SEMA5A: variants seen among roughly 807,000 people sequenced by gnomAD.
SEMA5A encodes semaphorin-5A.
SEMA5A carries 55 observed loss-of-function variants against 135.5 expected under a neutral mutation model. The observed-to-expected ratio is 0.41, with a 90% confidence interval of 0.33 to 0.51. The LOEUF (loss-of-function observed/expected upper bound fraction) is 0.51. SEMA5A is among the 20% of genes least tolerant of loss of function. The pLI is 0.37. For synonymous variants in SEMA5A, 580 were observed against 546.5 expected, an observed-to-expected ratio of 1.06 and a Z score of -0.85; for missense variants, 1,290 against 1,419.9, an observed-to-expected ratio of 0.91 and a Z score of 1.47.
chr5:9,084,000 A>T (rs772060891), intron 16 of SEMA5A, among the ~76,000 whole-genome samples: 1 of 152,214 alleles, frequency 6.6e-6, no homozygotes, highest in Non-Finnish European at 1.5e-5. Context: ...TGCCTAAATT[A>T]TCCATGCCCT....
At chr5:9,511,234 A>G (rs1736191621) in intron 1 of SEMA5A, 1 of 152,188 alleles carries the variant, frequency 6.6e-6, no homozygotes, top group Admixed American at 6.5e-5. Context: ...AGCTTGTCAA[A>G]TGCACATCAC....
chr5:9,515,060 A>G (rs1736430321), intron 1 of SEMA5A, among the ~76,000 whole-genome samples: 1 of 152,194 alleles, frequency 6.6e-6, no homozygotes, highest in Admixed American at 6.5e-5. Context: ...ACTAAACTAC[A>G]TCATAGCCTA....
At chr5:9,313,070 T>A (rs964554198) in intron 5 of SEMA5A, among the ~76,000 whole-genome samples, 2 of 152,132 alleles carry the variant, frequency 1.3e-5, no homozygotes, top group Non-Finnish European at 2.9e-5. Flanking sequence ...CACCCTGGAT[T>A]TCAGGGCAAT....
chr5:9,230,012 G>T (rs967250254), intron 6 of SEMA5A, among the ~76,000 whole-genome samples: 4 of 152,034 alleles, frequency 2.6e-5, no homozygotes, highest in East Asian at 1.9e-4. Context: ...TGAGACAAGG[G>T]TTCACTCTGT....
intron 8 of SEMA5A, among the ~76,000 whole-genome samples, chr5:9,213,118 T>C (rs759796328): frequency 6.6e-6 from 1 of 152,172 alleles, no homozygotes; most frequent in Non-Finnish European, 1.5e-5. Context: ...ACGAATCCCA[T>C]TCATGAGGGA....
chr5:9,521,551 T>C (rs1579678981), intron 1 of SEMA5A, among the ~76,000 whole-genome samples: 1 of 152,306 alleles, frequency 6.6e-6, no homozygotes, highest in East Asian at 1.9e-4. Context: ...GTGAAACAAC[T>C]GTACAGGTGA....
chr5:9,252,684 T>C (rs1446576853), intron 5 of SEMA5A, among the ~76,000 whole-genome samples: 5 of 152,216 alleles, frequency 3.3e-5, no homozygotes, highest in Non-Finnish European at 7.3e-5. Flanking sequence ...CCATCCATTA[T>C]TCAAGCACAG....
chr5:9,047,259 G>C (rs1736316053), intron 21 of SEMA5A, among the ~76,000 whole-genome samples: 1 of 152,202 alleles, frequency 6.6e-6, no homozygotes, highest in South Asian at 2.1e-4. Context: ...GAAGATGCAT[G>C]ATAGTCTCCA....
chr5:9,451,897 G>A (rs1181881487), intron 1 of SEMA5A, among the ~76,000 whole-genome samples: 1 of 152,192 alleles, frequency 6.6e-6, no homozygotes. Flanking sequence ...CCAGCATGGA[G>A]GAAACAACAA....
At chr5:9,497,649 A>G (rs1358021679) in intron 1 of SEMA5A, among the ~76,000 whole-genome samples, 1 of 152,228 alleles carries the variant, frequency 6.6e-6, no homozygotes, top group Non-Finnish European at 1.5e-5. Context: ...AAAAAACCCT[A>G]TGTGGAAGTA....
intron 2 of SEMA5A, among the ~76,000 whole-genome samples, chr5:9,426,141 T>C (rs1757637581): frequency 6.6e-6 from 1 of 152,154 alleles, no homozygotes; most frequent in Admixed American, 6.5e-5. Context: ...ATCCACATTA[T>C]TAAATTTGTA....
rs546922099 is a variant in SEMA5A, at chr5:9,040,165, A to T, written c.*2732T>A. ...CCAAGAAAATAGGAAGAAAGGAAGAATTAAAGAAAGAAGAAAGGAAAGAAG... is the reference window on the plus strand; with the variant it reads ...CCAAGAAAATAGGAAGAAAGGAAGATTTAAAGAAAGAAGAAAGGAAAGAAG... On this transcript the variant is annotated 3_prime_UTR_variant, in exon 23 of 23. Transcript: ENST00000382496. 2.2e-4 allele frequency: 33 copies of T among 152,370 alleles called. No homozygotes were observed. The highest frequency in any genetic ancestry group is 7.7e-4 in the African/African-American group (32 of 41,594). The allele number at this position is 152,370 out of a possible 1,614,324, so 9.4% of individuals were successfully genotyped here.
chr5:9,054,531 T>C (rs779556087), intron 18 of SEMA5A, among the ~76,000 whole-genome samples: 3 of 152,164 alleles, frequency 2.0e-5, no homozygotes, highest in Non-Finnish European at 2.9e-5. Flanking sequence ...TCAGAAAACA[T>C]TTCTAAATCA....
chr5:9,522,741 T>G (rs1232190004), intron 1 of SEMA5A: 1 of 152,178 alleles, frequency 6.6e-6, no homozygotes, highest in East Asian at 1.9e-4. Context: ...TTAAAGGAAT[T>G]TGAAATTTAC....
rs146437562 is a variant in SEMA5A at position 9,222,809 on chromosome 5, G to A, written c.646+1865C>T. 1.9e-4 allele frequency among the ~76,000 whole-genome samples: 29 copies of A among 152,314 alleles called. No individual in the cohort carries two copies. The East Asian group carries it at 4.2e-3, about 22-fold the overall frequency. ...GATGCTGACAACCAGGACGCTGACC[G>A]ATACTGACCACCTGATCAGCTGGTG... On this transcript the variant is annotated intron_variant, in intron 8 of 22. Transcript: ENST00000382496.
intron 1 of SEMA5A, among the ~76,000 whole-genome samples, chr5:9,470,043 G>A (rs1460226286): frequency 2.6e-5 from 4 of 152,324 alleles, no homozygotes; most frequent in East Asian, 1.9e-4. Context: ...TAATTCCAAC[G>A]TCTGGACATG....
At chr5:9,256,440 G>A (rs146494904) in intron 5 of SEMA5A, among the ~76,000 whole-genome samples, 1 of 152,214 alleles carries the variant, frequency 6.6e-6, no homozygotes, top group Non-Finnish European at 1.5e-5. Context: ...TCCCAAAGGT[G>A]CTTTCCCTCA....
rs17317261 is a variant in SEMA5A, at chr5:9,136,979, C to T, written c.1482-358G>A. Among the ~76,000 whole-genome samples the T allele has an allele frequency of 7.5e-3, 1,139 of 152,248 alleles. 11 individuals are homozygous for T. Among genetic ancestry groups the T allele is most frequent in the Non-Finnish European group, 0.012 (825 of 68,022 alleles). On this transcript the variant is annotated intron_variant, in intron 12 of 22. Transcript: ENST00000382496. ...CACCACTACCGTCACCATGATCATC[C>T]GCCTCCTCTTTACAACATGTATTAT...
chr5:9,069,649 A>G (rs1388681836), intron 16 of SEMA5A, among the ~76,000 whole-genome samples: 7 of 152,184 alleles, frequency 4.6e-5, no homozygotes, highest in Admixed American at 4.6e-4. Context: ...GGCTTTTAAC[A>G]GAAAATATGT....
Sources: allele counts gnomAD v4.1 joint callset (sites outside exome capture counted in the v4.1 genomes callset), GRCh38; gene constraint gnomAD v4.1.1; transcripts MANE v1.5; gene names NCBI Gene and HGNC (gene_info 2026-07-23, HGNC 2026-07-21).